The following DENND5A variants were observed in gnomAD, a reference collection of about 807,000 sequenced individuals.
DENND5A encodes DENN domain containing 5A.
DENND5A carries 64 observed loss-of-function variants against 140.3 expected under a neutral mutation model. The ratio of observed to expected loss-of-function variants is 0.46; its 90% CI spans 0.37 to 0.56. The LOEUF (loss-of-function observed/expected upper bound fraction) is 0.56, where lower values mean the gene tolerates loss of function less well. DENND5A is among the 20% of genes least tolerant of loss of function. DENND5A has a pLI of 0.00. For missense variants in DENND5A, 1,292 were observed against 1,593.8 expected (o/e 0.81, Z 3.22); for synonymous variants, 605 against 607.7 (o/e 1.00, Z 0.07).
chr11:9,142,684 A>G (rs954808615), intron 21 of DENND5A, 38 bp downstream of exon 21: 3 of 1,613,026 alleles, frequency 1.9e-6, no homozygotes, highest in Non-Finnish European at 2.5e-6. Flanking sequence ...TTATATCTCT[A>G]CATGCTTCTC....
intron 4 of DENND5A, among the ~76,000 whole-genome samples, chr11:9,201,288 T>C (rs1849513619): frequency 6.6e-6 from 1 of 150,888 alleles, no homozygotes; most frequent in African/African-American, 2.4e-5. Context: ...GATGGGAAGA[T>C]CACTTGAGTC....
At chr11:9,222,644 G>A (rs551845711) in intron 1 of DENND5A, among the ~76,000 whole-genome samples, 1 of 152,332 alleles carries the variant, frequency 6.6e-6, no homozygotes, top group South Asian at 2.1e-4. Flanking sequence ...CATAAGATCA[G>A]AGAATGCAGA....
intron 5 of DENND5A, among the ~76,000 whole-genome samples, chr11:9,189,868 G>A (rs754168008): frequency 5.9e-5 from 9 of 152,104 alleles, no homozygotes; most frequent in Non-Finnish European, 7.4e-5. Context: ...TTGAACTCCC[G>A]ACCTCAGGTG....
chr11:9,169,362 C>T (rs1369430119), intron 10 of DENND5A, among the ~76,000 whole-genome samples: 1 of 152,092 alleles, frequency 6.6e-6, no homozygotes, highest in Non-Finnish European at 1.5e-5. Context: ...AGGGGAATTG[C>T]TTGAACCCAG....
At chr11:9,170,602 T>C (rs1848337794) in intron 9 of DENND5A, 25 bp downstream of exon 9, 6 of 1,613,222 alleles carry the variant, frequency 3.7e-6, no homozygotes, top group African/African-American at 1.3e-5. Flanking sequence ...GGAGTTGGAT[T>C]AGTGAATCCC....
chr11:9,246,204 G>C (rs939182515), intron 1 of DENND5A, among the ~76,000 whole-genome samples: 2 of 152,092 alleles, frequency 1.3e-5, no homozygotes, highest in Non-Finnish European at 1.5e-5. Context: ...CAGTGACAGA[G>C]ATGTTTGCTT....
chr11:9,198,497 G>T (rs1214439713), intron 4 of DENND5A, among the ~76,000 whole-genome samples: 1 of 151,926 alleles, frequency 6.6e-6, no homozygotes, highest in African/African-American at 2.4e-5. Flanking sequence ...TGTAGTCCCA[G>T]CTACTCAGGA....
At chr11:9,264,542 G>A (rs1689053153) in intron 1 of DENND5A, among the ~76,000 whole-genome samples, 1 of 152,254 alleles carries the variant, frequency 6.6e-6, no homozygotes, top group East Asian at 1.9e-4. Context: ...TTCTTGGGAA[G>A]TGGCCAGATA....
intron 1 of DENND5A, among the ~76,000 whole-genome samples, chr11:9,231,442 G>A (rs142016022): frequency 3.2e-4 from 49 of 151,548 alleles, no homozygotes; most frequent in Non-Finnish European, 3.4e-4. Context: ...CAGGCTGGGC[G>A]CGGTGGCTCA....
In DENND5A at chr11:9,145,265, G is replaced by A. The variant is rs149846453; in HGVS notation, c.3004-152C>T. The A allele has an allele frequency of 8.1e-4, 519 of 640,866 alleles. No homozygotes were observed. The African/African-American group carries it at 8.4e-3, about 10-fold the overall frequency. The allele number at this position is 640,866 out of a possible 1,614,324, so 39.7% of individuals were successfully genotyped here. Reference sequence around the variant, plus strand: ...TGGCTCTACATACCGCCAGAACTGCGGTACAGCACTATCTCATGGGGGTGC... The same window carrying A: ...TGGCTCTACATACCGCCAGAACTGCAGTACAGCACTATCTCATGGGGGTGC... On this transcript the variant is annotated intron_variant, in intron 17 of 22. Coordinates refer to ENST00000328194, the MANE Select transcript of DENND5A (RefSeq NM_015213.4).
intron 10 of DENND5A, among the ~76,000 whole-genome samples, chr11:9,166,333 TCCCAAAGTA>T (rs1489576632): frequency 1.3e-5 from 2 of 152,174 alleles, no homozygotes; most frequent in African/African-American, 4.8e-5. Context: ...TGCCTCAGTC[TCCCAAAGTA>T]CTGAGATTAC....
At chr11:9,178,079 T>C (rs1285360377) in intron 8 of DENND5A, 53 bp downstream of exon 8, 1 of 1,244,172 alleles carries the variant, frequency 8.0e-7, no homozygotes, top group Non-Finnish European at 1.2e-6. Context: ...AAAAGGGACA[T>C]GTTAATGCCA....
intron 4 of DENND5A, among the ~76,000 whole-genome samples, chr11:9,196,158 G>T (rs1037933416): frequency 6.6e-6 from 1 of 152,034 alleles, no homozygotes; most frequent in Non-Finnish European, 1.5e-5. Flanking sequence ...TCATCATGTT[G>T]GCAAGGGTGG....
At chr11:9,156,614 G>A (rs1470750853) in intron 12 of DENND5A, among the ~76,000 whole-genome samples, 3 of 149,434 alleles carry the variant, frequency 2.0e-5, no homozygotes, top group African/African-American at 5.0e-5. Flanking sequence ...GCAACAGAGC[G>A]AGACTCCGTC....
chr11:9,255,789 C>T (rs539805729), intron 1 of DENND5A, among the ~76,000 whole-genome samples: 3 of 151,766 alleles, frequency 2.0e-5, no homozygotes, highest in Admixed American at 6.6e-5. Flanking sequence ...TGCTTGAACC[C>T]GGGAGGCAGA....
intron 11 of DENND5A, among the ~76,000 whole-genome samples, chr11:9,162,582 C>T (rs1325009102): frequency 1.3e-5 from 2 of 151,962 alleles, no homozygotes; most frequent in Non-Finnish European, 2.9e-5. Flanking sequence ...CTTTGAAGCA[C>T]CCTACGTGCC....
chr11:9,218,613 G>C lies in DENND5A; in HGVS notation c.110-10981C>G, dbSNP rs370320628. On this transcript the variant is annotated intron_variant, in intron 1 of 22. Coordinates refer to ENST00000328194, the MANE Select transcript of DENND5A (RefSeq NM_015213.4). ...GTGGAGTGTGCCTGTAGTAGGCTGA[G>C]GTGGGAAGATCGCTAGAGCCCGGGA... 1.0e-3 allele frequency among the ~76,000 whole-genome samples: 156 copies of C among 152,234 alleles called. 8 individuals are homozygous for C. The South Asian group carries it at 0.032, about 31-fold the overall frequency.
At chr11:9,233,046 C>A (rs573873596) in intron 1 of DENND5A, among the ~76,000 whole-genome samples, 10 of 152,164 alleles carry the variant, frequency 6.6e-5, no homozygotes, top group Non-Finnish European at 8.8e-5. Flanking sequence ...ATACTGGTTA[C>A]CTGTGGTGAG....
intron 1 of DENND5A, among the ~76,000 whole-genome samples, chr11:9,248,268 C>A (rs546461450): frequency 4.9e-4 from 74 of 152,250 alleles, no homozygotes; most frequent in African/African-American, 1.6e-3. Flanking sequence ...CAGGCATGAG[C>A]CACAGCGCCC....
Sources: allele counts gnomAD v4.1 joint callset (sites outside exome capture counted in the v4.1 genomes callset), GRCh38; gene constraint gnomAD v4.1.1; transcripts MANE v1.5; gene names NCBI Gene and HGNC (gene_info 2026-07-23, HGNC 2026-07-21).